The following MRTFA variants were observed in gnomAD, a reference collection of about 807,000 sequenced individuals.
The protein encoded by MRTFA is myocardin related transcription factor A.
In MRTFA, 20 loss-of-function variants were observed where a neutral mutation model predicts 83.5. That is an observed-to-expected ratio of 0.24 (90% confidence interval 0.17 to 0.35). MRTFA has a LOEUF of 0.35. MRTFA is among the 10% of genes least tolerant of loss of function. MRTFA has a pLI of 1.00. For missense variants in MRTFA, 1,200 were observed against 1,224.7 expected, an observed-to-expected ratio of 0.98 and a Z score of 0.30; for synonymous variants, 659 against 541.2, an observed-to-expected ratio of 1.22 and a Z score of -3.02.
chr22:40,419,408 G>A, intron 11 of MRTFA, 24 bp from the exon 12 acceptor site: 4 of 1,608,496 alleles, frequency 2.5e-6, no homozygotes, highest in Non-Finnish European at 2.5e-6. Flanking sequence ...AAGAGTCAGG[G>A]AGGCCAGGGG....
At chr22:40,451,849 A>T (rs1485629331) in intron 4 of MRTFA, among the ~76,000 whole-genome samples, 4 of 152,158 alleles carry the variant, frequency 2.6e-5, no homozygotes, top group Non-Finnish European at 4.4e-5. Flanking sequence ...TTTTTAAAAA[A>T]GCTACTGCCT....
chr22:40,488,020 T>C (rs188420692), intron 3 of MRTFA, among the ~76,000 whole-genome samples: 1 of 152,038 alleles, frequency 6.6e-6, no homozygotes. Context: ...CAAAACCACA[T>C]AAGCCCCTTG....
intron 6 of MRTFA, 149 bp downstream of exon 6, chr22:40,431,256 C>T: frequency 1.4e-6 from 1 of 694,068 alleles, no homozygotes; most frequent in Non-Finnish European, 2.5e-6. Context: ...GCTACCATGG[C>T]ACAGCTGTCG....
In MRTFA at chr22:40,617,109, G is replaced by GA. The variant is rs1215533677; in HGVS notation, c.-84+19368dup. Among the ~76,000 whole-genome samples the GA allele has an allele frequency of 2.8e-5, 4 of 145,288 alleles. No individual in the cohort carries two copies. The South Asian group carries it at 9.0e-4, about 33-fold the overall frequency. On this transcript the variant is annotated intron_variant, in intron 1 of 14. Coordinates refer to ENST00000355630, the MANE Select transcript of MRTFA (RefSeq NM_020831.6). ...CAGAGTGAGCCTCTACCCCAGAAAA[G>GA]AAAAGCAAGACGAAAGAAAGAGAGA...
intron 3 of MRTFA, among the ~76,000 whole-genome samples, chr22:40,547,032 G>A (rs935525816): frequency 5.3e-5 from 8 of 152,012 alleles, no homozygotes; most frequent in African/African-American, 1.7e-4. Context: ...GTAGGCACCT[G>A]TAGTCCCAGC....
chr22:40,636,075 C>T (rs2056694519), intron 1 of MRTFA, among the ~76,000 whole-genome samples: 1 of 152,356 alleles, frequency 6.6e-6, no homozygotes, highest in Admixed American at 6.5e-5. Flanking sequence ...GCCTGGGAAT[C>T]CCAAGGACTG....
At chr22:40,468,893 G>A (rs1259160954) in intron 3 of MRTFA, among the ~76,000 whole-genome samples, 1 of 152,142 alleles carries the variant, frequency 6.6e-6, no homozygotes, top group Non-Finnish European at 1.5e-5. Flanking sequence ...GGTCTGGTTG[G>A]AGCCAAGTTT....
chr22:40,498,508 T>C (rs1050370633), intron 3 of MRTFA, among the ~76,000 whole-genome samples: 1 of 151,176 alleles, frequency 6.6e-6, no homozygotes, highest in Non-Finnish European at 1.5e-5. Context: ...TGGTCTTGAA[T>C]TCCTGGGCTC....
chr22:40,606,771 T>C (rs964209903), intron 1 of MRTFA, among the ~76,000 whole-genome samples: 7 of 152,214 alleles, frequency 4.6e-5, no homozygotes, highest in African/African-American at 1.7e-4. Flanking sequence ...TCTGAAGACA[T>C]AAGGGAGTTT....
chr22:40,473,531 A>C (rs1602301546), intron 3 of MRTFA, among the ~76,000 whole-genome samples: 1 of 152,164 alleles, frequency 6.6e-6, no homozygotes, highest in Non-Finnish European at 1.5e-5. Context: ...TAAATTCCTA[A>C]AGCTTGATCT....
At position 40,578,757 on chromosome 22, in the gene MRTFA, C is replaced by CA. The variant is rs955690456; in HGVS notation, c.-22+15916dup. Among the ~76,000 whole-genome samples the CA allele has an allele frequency of 7.3e-5, 11 of 151,378 alleles. 1 individual carries two copies. The highest frequency in any genetic ancestry group is 6.3e-4 in the South Asian group (3 of 4,796). The stretch of plus-strand genomic sequence containing the variant: ...CAACATGGTGAAACACCAGCTCTAC[C>CA]AAAAAAAATGCAAAAATTAGCTAGG... On this transcript the variant is annotated intron_variant, in intron 2 of 14. Coordinates refer to ENST00000355630, the MANE Select transcript of MRTFA (RefSeq NM_020831.6).
At chr22:40,605,860 G>A (rs1343338481) in intron 1 of MRTFA, among the ~76,000 whole-genome samples, 1 of 152,184 alleles carries the variant, frequency 6.6e-6, no homozygotes, top group Non-Finnish European at 1.5e-5. Context: ...AGCTAAAACA[G>A]GCCCACATGC....
At chr22:40,495,196 A>G (rs1309762583) in intron 3 of MRTFA, among the ~76,000 whole-genome samples, 1 of 150,166 alleles carries the variant, frequency 6.7e-6, no homozygotes, top group Non-Finnish European at 1.5e-5. Context: ...CAATACAGTG[A>G]GACCCCGTCT....
chr22:40,461,204 C>CAAAAAAAA, intron 4 of MRTFA, among the ~76,000 whole-genome samples: 1 of 50,294 alleles, frequency 2.0e-5, no homozygotes, highest in Non-Finnish European at 3.6e-5. Flanking sequence ...GAACTTGTCT[C>CAAAAAAAA]AAAAAAAAAA....
intron 12 of MRTFA, 85 bp from the exon 13 acceptor site, chr22:40,417,578 G>A (rs2052712313): frequency 1.3e-6 from 1 of 778,010 alleles, no homozygotes; most frequent in Non-Finnish European, 2.0e-6. Flanking sequence ...GCGGGGATAG[G>A]GCCAGGGCCT....
chr22:40,592,137 G>GA (rs2056128907), intron 2 of MRTFA, among the ~76,000 whole-genome samples: 1 of 151,882 alleles, frequency 6.6e-6, no homozygotes, highest in South Asian at 2.1e-4. Flanking sequence ...TGTTTTAAAA[G>GA]AATGTGTGGG....
At chr22:40,451,931 C>T (rs2053495519) in intron 4 of MRTFA, among the ~76,000 whole-genome samples, 1 of 151,208 alleles carries the variant, frequency 6.6e-6, no homozygotes, top group Non-Finnish European at 1.5e-5. Context: ...CACCTGTGCC[C>T]TCCTGCAAAT....
intron 1 of MRTFA, among the ~76,000 whole-genome samples, chr22:40,597,491 G>T (rs1439967110): frequency 6.6e-6 from 1 of 152,102 alleles, no homozygotes; most frequent in Non-Finnish European, 1.5e-5. Flanking sequence ...TTACTAAAAC[G>T]GTGCCACAGC....
chr22:40,627,017 G>C (rs1002199310), intron 1 of MRTFA, among the ~76,000 whole-genome samples: 2 of 151,706 alleles, frequency 1.3e-5, no homozygotes, highest in Non-Finnish European at 2.9e-5. Flanking sequence ...TTTTGTGGTA[G>C]AGAAAATATG....
Sources: allele counts gnomAD v4.1 joint callset (sites outside exome capture counted in the v4.1 genomes callset), GRCh38; gene constraint gnomAD v4.1.1; transcripts MANE v1.5; gene names NCBI Gene and HGNC (gene_info 2026-07-23, HGNC 2026-07-21).